NBPF19: variants seen among roughly 807,000 people sequenced by gnomAD.
The protein encoded by NBPF19 is NBPF member 19.
A neutral mutation model predicts 45.9 loss-of-function variants in NBPF19; 30 were observed. The observed-to-expected ratio is 0.65, with a 90% CI of 0.49 to 0.89. NBPF19 has a LOEUF of 0.89. Ranked by LOEUF, NBPF19 falls within the 40% of genes least tolerant of loss-of-function variation. The pLI is 0.00. For synonymous variants in NBPF19, 183 were observed against 181.2 expected, an observed-to-expected ratio of 1.01 and a Z score of -0.08; for missense variants, 495 against 471.8, an observed-to-expected ratio of 1.05 and a Z score of -0.46.
At chr1:149,487,771 C>G (rs1376487718) in intron 9 of NBPF19, among the ~76,000 whole-genome samples, 10 of 138,504 alleles carry the variant, frequency 7.2e-5, no homozygotes, top group African/African-American at 2.7e-4. Flanking sequence ...TGACTGAGCT[C>G]GCTCTGTGTG....
rs1350865945 is a variant in NBPF19, at chr1:149,487,312, C to G, written c.989-20C>G. On this transcript the variant is annotated intron_variant, in intron 8 of 93. Transcript: ENST00000651566. The stretch of plus-strand genomic sequence containing the variant: ...AAGGAAGAACTTAATGTAAGAGGGC[C>G]CATCTGAATTTATTTGCAGGACATC... 5.8e-6 allele frequency: 9 copies of G among 1,552,060 alleles called. No homozygotes were observed. Among genetic ancestry groups the G allele is most frequent in the Admixed American group, 1.7e-5 (1 of 59,788 alleles).
In NBPF19 at chr1:149,554,904, G is replaced by A. The variant is rs1160574211; in HGVS notation, c.*166G>A. 7 of 1,317,154 alleles carry A rather than the reference G, an allele frequency of 5.3e-6. 1 individual carries two copies. Among genetic ancestry groups the A allele is most frequent in the South Asian group, 2.8e-5 (2 of 71,394 alleles). 81.6% of individuals were successfully genotyped at this position (1,317,154 alleles called of 1,614,324 possible). A position where few individuals can be genotyped will look rare whatever the true frequency, so the allele number is the denominator to read the frequency against. ...CCATGCCAGTGGCAACCTGTGCTCA[G>A]TCTGAAGACAATGGACCCACGTTAG... On this transcript the variant is annotated 3_prime_UTR_variant, in exon 94 of 94. Transcript: ENST00000651566.
At chr1:149,490,864 G>C (rs1388594081) in intron 13 of NBPF19, among the ~76,000 whole-genome samples, 1 of 116,348 alleles carries the variant, frequency 8.6e-6, no homozygotes, top group South Asian at 3.2e-4. Flanking sequence ...GTGTCACCTG[G>C]ACAATTCACT....
At position 149,487,560 on chromosome 1, in the gene NBPF19, C is replaced by T. The variant is rs1478241163; in HGVS notation, c.1040+177C>T. On this transcript the variant is annotated intron_variant, in intron 9 of 93. Transcript: ENST00000651566. Reference sequence around the variant, plus strand: ...TAAATGTTTAGGTTTCCATTTCTTCCTACCCTTATCATTTACTAACCTAGT... The same window carrying T: ...TAAATGTTTAGGTTTCCATTTCTTCTTACCCTTATCATTTACTAACCTAGT... Among the ~76,000 whole-genome samples, 14 of 150,894 alleles carry T rather than the reference C, an allele frequency of 9.3e-5. 1 individual carries two copies. The highest frequency in any genetic ancestry group is 5.3e-4 in the Admixed American group (8 of 15,112).
Position 149,554,667 on chromosome 1 carries a change from A to C in NBPF19, c.11461A>C (p.Asn3821His). ...TATCAGCTTCGCCCTTTACTTGGAC[A>C]ATAGGTTTTTTACTTTGACGGTGAC... ...EHISFALYLD[N>H]RFFTLTVTSL... The change falls in exon 94 of 94, where the codon AAT (asparagine) becomes CAT (histidine). Residue 3821 changes from asparagine (N) to histidine (H), a missense_variant. Coordinates refer to ENST00000651566, the MANE Select transcript of NBPF19 (RefSeq NM_001351365.2). 5 of 1,608,262 alleles carry C rather than the reference A, an allele frequency of 3.1e-6. No homozygotes were observed. Among genetic ancestry groups the C allele is most frequent in the Non-Finnish European group, 2.5e-6 (3 of 1,176,718 alleles).
intron 51 of NBPF19, among the ~76,000 whole-genome samples, chr1:149,521,090 C>G (rs2086710841): frequency 2.4e-5 from 2 of 82,256 alleles, no homozygotes; most frequent in South Asian, 3.4e-4. Context: ...GTCTCTGTCT[C>G]TCTCTCTGTC....
chr1:149,487,051 C>T (rs1177794418), intron 8 of NBPF19, among the ~76,000 whole-genome samples: 1 of 150,706 alleles, frequency 6.6e-6, no homozygotes, highest in Non-Finnish European at 1.5e-5. Flanking sequence ...TATTTGCCTA[C>T]AATTTATTGG....
Position 149,556,121 on chromosome 1 carries a change from T to G in NBPF19, c.*1383T>G, listed in dbSNP as rs1278015166. The G allele has an allele frequency of 6.8e-6, 1 of 148,054 alleles. No individual in the cohort carries two copies. Among genetic ancestry groups the G allele is most frequent in the Non-Finnish European group, 1.5e-5 (1 of 66,970 alleles). 9.2% of individuals were successfully genotyped at this position (148,054 alleles called of 1,614,324 possible). On this transcript the variant is annotated 3_prime_UTR_variant, in exon 94 of 94. Transcript: ENST00000651566. ...ATTCATATCTCTACGCTGCAAAATT[T>G]GGGTCTCAATTTTTACTGTGCCTTT...
chr1:149,483,608 G>A (rs1328851676), intron 7 of NBPF19, among the ~76,000 whole-genome samples: 6 of 150,386 alleles, frequency 4.0e-5, no homozygotes, highest in Non-Finnish European at 7.4e-5. Context: ...GTTAGTTGAT[G>A]CAGTTTCTTC....
chr1:149,554,757 A>T lies in NBPF19; in HGVS notation c.*19A>T, dbSNP rs1412942796. The T allele has an allele frequency of 6.2e-7, 1 of 1,607,816 alleles. No homozygotes were observed. Among genetic ancestry groups the T allele is most frequent in the Non-Finnish European group, 8.5e-7 (1 of 1,176,338 alleles). On this transcript the variant is annotated 3_prime_UTR_variant, in exon 94 of 94. Coordinates refer to ENST00000651566, the MANE Select transcript of NBPF19 (RefSeq NM_001351365.2). ...ACAATAGGCAGCCCTTACTAAGCCG[A>T]GAGATGTCATTCCTGCAGGCAGGAC...
At chr1:149,490,912 G>C (rs1177069314) in intron 13 of NBPF19, among the ~76,000 whole-genome samples, 2 of 132,740 alleles carry the variant, frequency 1.5e-5, no homozygotes, top group Non-Finnish European at 3.2e-5. Flanking sequence ...GTGTGTGTGT[G>C]TGTGTGTGCG....
At chr1:149,554,332 G>T (rs1339716617) in intron 93 of NBPF19, among the ~76,000 whole-genome samples, 163 bp from the exon 94 acceptor site, 2 of 151,368 alleles carry the variant, frequency 1.3e-5, no homozygotes, top group African/African-American at 4.8e-5. Context: ...ACCTGGCCCT[G>T]TTCTATCCCA....
intron 17 of NBPF19, among the ~76,000 whole-genome samples, chr1:149,494,115 T>C (rs1179154203): frequency 1.5e-5 from 2 of 135,414 alleles, no homozygotes; most frequent in South Asian, 2.4e-4. Context: ...TCTCTCTCTC[T>C]CTCCCTCTCC....
Position 149,554,865 on chromosome 1 carries a change from T to C in NBPF19, c.*127T>C. The C allele has an allele frequency of 6.6e-7, 1 of 1,513,122 alleles. No individual in the cohort carries two copies. Among genetic ancestry groups the C allele is most frequent in the Non-Finnish European group, 9.0e-7 (1 of 1,113,950 alleles). The allele number at this position is 1,513,122 out of a possible 1,614,324, so 93.7% of individuals were successfully genotyped here. ...GGATGGGTCAGTGGGCATGGCTCTT[T>C]TCCTATTCTCAAACCATGCCAGTGG... On this transcript the variant is annotated 3_prime_UTR_variant, in exon 94 of 94. Transcript: ENST00000651566.
intron 9 of NBPF19, 139 bp from the exon 10 acceptor site, chr1:149,487,874 G>T (rs1305827668): frequency 4.4e-6 from 3 of 687,246 alleles, no homozygotes; most frequent in Non-Finnish European, 8.1e-6. Context: ...CCAACATAAA[G>T]GCAATAATTT....
intron 10 of NBPF19, among the ~76,000 whole-genome samples, chr1:149,488,485 G>C (rs1282476969): frequency 8.3e-6 from 1 of 121,014 alleles, no homozygotes; most frequent in African/African-American, 3.2e-5. Flanking sequence ...TCTCAATTTT[G>C]TAGATCTTGT....
intron 8 of NBPF19, 89 bp from the exon 9 acceptor site, chr1:149,487,243 G>C (rs2085586462): frequency 2.3e-6 from 2 of 865,392 alleles, no homozygotes; most frequent in East Asian, 2.4e-5. Context: ...TGACAAGACT[G>C]ATGTCCCTGT....
intron 60 of NBPF19, 23 bp downstream of exon 60, chr1:149,527,809 G>C: frequency 4.2e-6 from 1 of 238,650 alleles, no homozygotes. Context: ...CTATGAAGGT[G>C]ATAAGCCTCC....
In NBPF19 at chr1:149,478,358, A is replaced by C. The variant is rs1416073843; in HGVS notation, c.278+311A>C. Among the ~76,000 whole-genome samples, 141 of 151,384 alleles carry C rather than the reference A, an allele frequency of 9.3e-4. 4 individuals carry two copies. The East Asian group carries it at 0.019, about 20-fold the overall frequency. The stretch of plus-strand genomic sequence containing the variant: ...TTCAGTATAATCAAAATGGTGTGCT[A>C]TCACCACCCCACTTACCCTTAGTGA... On this transcript the variant is annotated intron_variant, in intron 3 of 93. Coordinates refer to ENST00000651566, the MANE Select transcript of NBPF19 (RefSeq NM_001351365.2).
Sources: allele counts gnomAD v4.1 joint callset (sites outside exome capture counted in the v4.1 genomes callset), GRCh38; gene constraint gnomAD v4.1.1; transcripts MANE v1.5; gene names NCBI Gene and HGNC (gene_info 2026-07-23, HGNC 2026-07-21).